NALF1: variants seen among roughly 807,000 people sequenced by gnomAD.
The protein encoded by NALF1 is NALCN channel auxiliary factor 1, also known as family with sequence similarity 155 member A.
A neutral mutation model predicts 48.4 loss-of-function variants in NALF1; 3 were observed. That is an observed-to-expected ratio of 0.06 (90% CI 0.03 to 0.16). NALF1 has a LOEUF of 0.16. Ranked by LOEUF, NALF1 falls within the 10% of genes least tolerant of loss-of-function variation. The pLI is 1.00. For missense variants in NALF1, 526 were observed against 571.5 expected (o/e 0.92, Z 0.81); for synonymous variants, 262 against 245.7 (o/e 1.07, Z -0.62).
intron 1 of NALF1, among the ~76,000 whole-genome samples, chr13:107,552,435 G>C (rs1045360609): frequency 6.6e-6 from 1 of 152,080 alleles, no homozygotes; most frequent in Non-Finnish European, 1.5e-5. Context: ...TTAGGAAAAC[G>C]CACAGCTAAT....
intron 1 of NALF1, among the ~76,000 whole-genome samples, chr13:107,563,234 G>A (rs1202316983): frequency 6.6e-6 from 1 of 152,214 alleles, no homozygotes; most frequent in African/African-American, 2.4e-5. Context: ...AAGCTCAGCT[G>A]TGGATGACAG....
In NALF1 at chr13:107,359,585, T is replaced by G. The variant is rs567955590; in HGVS notation, c.916-148830A>C. ...TGCTCTCTAAAAGTTTTGTTTCCCTTTCCTCCTTCCTTCATTTCCTCCCTC... is the reference window on the plus strand; with the variant it reads ...TGCTCTCTAAAAGTTTTGTTTCCCTGTCCTCCTTCCTTCATTTCCTCCCTC... On this transcript the variant is annotated intron_variant, in intron 1 of 2. Coordinates refer to ENST00000375915, the MANE Select transcript of NALF1 (RefSeq NM_001080396.3). Among the ~76,000 whole-genome samples, 215 of 151,994 alleles carry G rather than the reference T, an allele frequency of 1.4e-3. 1 individual carries two copies. Among genetic ancestry groups the G allele is most frequent in the African/African-American group, 5.0e-3 (207 of 41,516 alleles).
At chr13:107,471,151 T>A (rs896808442) in intron 1 of NALF1, among the ~76,000 whole-genome samples, 2 of 136,822 alleles carry the variant, frequency 1.5e-5, no homozygotes, top group African/African-American at 5.3e-5. Flanking sequence ...CTAGACTGTA[T>A]AACTTATGGC....
chr13:107,462,532 T>C (rs1456008822), intron 1 of NALF1, among the ~76,000 whole-genome samples: 1 of 150,824 alleles, frequency 6.6e-6, no homozygotes, highest in Non-Finnish European at 1.5e-5. Flanking sequence ...TGGCAGGTGG[T>C]GAAGGGTCAA....
Position 107,216,512 on chromosome 13 carries a change from G to GT in NALF1, c.916-5758dup, listed in dbSNP as rs145164260. On this transcript the variant is annotated intron_variant, in intron 1 of 2. Transcript: ENST00000375915. ...AGCGCTCTGAGCTTCTTGATCCCTT[G>GT]TGGGGGGTCTTATGACATCAGCACC... Among the ~76,000 whole-genome samples, 752 of 152,354 alleles carry GT rather than the reference G, an allele frequency of 4.9e-3. 5 individuals are homozygous for GT. Among genetic ancestry groups the GT allele is most frequent in the African/African-American group, 0.017 (688 of 41,590 alleles).
intron 1 of NALF1, among the ~76,000 whole-genome samples, chr13:107,655,650 G>A (rs1482733048): frequency 2.6e-5 from 4 of 151,442 alleles, no homozygotes; most frequent in African/African-American, 9.7e-5. Flanking sequence ...CACAGAACTA[G>A]AAAAAATAAT....
chr13:107,224,474 T>C lies in NALF1; in HGVS notation c.916-13719A>G, dbSNP rs997357189. 2.0e-5 allele frequency among the ~76,000 whole-genome samples: 3 copies of C among 149,474 alleles called. No homozygotes were observed. The East Asian group carries it at 5.8e-4, about 29-fold the overall frequency. On this transcript the variant is annotated intron_variant, in intron 1 of 2. Transcript: ENST00000375915. Reference sequence around the variant, plus strand: ...TAATATAAATATAATACAAATTACATATATTTATATTTTCAGCCCCAAATT... The same window carrying C: ...TAATATAAATATAATACAAATTACACATATTTATATTTTCAGCCCCAAATT...
rs894141269 is a variant in NALF1 at position 107,800,610 on chromosome 13, A to AAT, written c.915+65070_915+65071dup. ...CAATATATAATAAATTATGTAATAT[A>AAT]ATATATATATTATATAATTATATAA... On this transcript the variant is annotated intron_variant, in intron 1 of 2. Coordinates refer to ENST00000375915, the MANE Select transcript of NALF1 (RefSeq NM_001080396.3). Among the ~76,000 whole-genome samples, 20 of 147,118 alleles carry AAT rather than the reference A, an allele frequency of 1.4e-4. No homozygotes were observed. The East Asian group carries it at 2.6e-3, about 19-fold the overall frequency.
intron 1 of NALF1, among the ~76,000 whole-genome samples, chr13:107,409,574 C>T (rs908960325): frequency 6.6e-6 from 1 of 152,060 alleles, no homozygotes; most frequent in African/African-American, 2.4e-5. Context: ...AATGTGGGTA[C>T]ATTCAAGGAA....
intron 1 of NALF1, chr13:107,465,940 T>C (rs1057477759): frequency 1.3e-5 from 2 of 152,626 alleles, no homozygotes; most frequent in Non-Finnish European, 2.9e-5. Context: ...ACTGTATTAG[T>C]CTGTTTTCAC....
intron 1 of NALF1, among the ~76,000 whole-genome samples, chr13:107,479,298 T>C (rs2139059290): frequency 6.6e-6 from 1 of 152,306 alleles, no homozygotes; most frequent in East Asian, 1.9e-4. Flanking sequence ...ATTTTGAAAC[T>C]CCTGGCATCA....
At chr13:107,808,880 C>T (rs1039994191) in intron 1 of NALF1, among the ~76,000 whole-genome samples, 1 of 151,976 alleles carries the variant, frequency 6.6e-6, no homozygotes, top group Non-Finnish European at 1.5e-5. Context: ...ACTAGATGGT[C>T]CTATACAGAA....
chr13:107,552,015 A>G (rs1190502199), intron 1 of NALF1, among the ~76,000 whole-genome samples: 2 of 152,178 alleles, frequency 1.3e-5, no homozygotes, highest in Non-Finnish European at 2.9e-5. Context: ...CAAAGTGTCA[A>G]GAAGTAAAAA....
chr13:107,193,361 C>T (rs569132221), intron 2 of NALF1, among the ~76,000 whole-genome samples: 16 of 152,076 alleles, frequency 1.1e-4, no homozygotes, highest in Non-Finnish European at 1.5e-4. Flanking sequence ...GTTAAACATG[C>T]GGATGGTTTG....
rs74114031 is a variant in NALF1 at position 107,261,206 on chromosome 13, G to A, written c.916-50451C>T. Among the ~76,000 whole-genome samples the A allele has an allele frequency of 3.4e-3, 513 of 152,302 alleles. 4 individuals are homozygous for A. The highest frequency in any genetic ancestry group is 0.011 in the African/African-American group (478 of 41,566). ...CTGCTGTCTGAGGTTCCCAGGGGAA[G>A]GAGGCAGGTGACATCAGGGTGGAAT... On this transcript the variant is annotated intron_variant, in intron 1 of 2. Coordinates refer to ENST00000375915, the MANE Select transcript of NALF1 (RefSeq NM_001080396.3).
At chr13:107,254,251 A>T (rs1418198838) in intron 1 of NALF1, among the ~76,000 whole-genome samples, 1 of 152,114 alleles carries the variant, frequency 6.6e-6, no homozygotes, top group Non-Finnish European at 1.5e-5. Context: ...AACAGCATTA[A>T]CTTGCCACGG....
At chr13:107,174,134 C>A (rs112669814) in intron 2 of NALF1, among the ~76,000 whole-genome samples, 95 of 152,090 alleles carry the variant, frequency 6.2e-4, no homozygotes, top group African/African-American at 2.0e-3. Flanking sequence ...GTGTTTCATT[C>A]CCTCCCTGAA....
At chr13:107,437,321 A>G (rs1031763078) in intron 1 of NALF1, among the ~76,000 whole-genome samples, 6 of 152,208 alleles carry the variant, frequency 3.9e-5, no homozygotes, top group African/African-American at 1.4e-4. Flanking sequence ...ACTTTGAAAA[A>G]TGACCTGGCG....
At chr13:107,239,339 G>C (rs1048105565) in intron 1 of NALF1, among the ~76,000 whole-genome samples, 1 of 152,142 alleles carries the variant, frequency 6.6e-6, no homozygotes, top group Non-Finnish European at 1.5e-5. Flanking sequence ...GTCACCCTCA[G>C]TGCTCCCTGG....
Sources: allele counts gnomAD v4.1 joint callset (sites outside exome capture counted in the v4.1 genomes callset), GRCh38; gene constraint gnomAD v4.1.1; transcripts MANE v1.5; gene names NCBI Gene and HGNC (gene_info 2026-07-23, HGNC 2026-07-21).